CNOT6L: variants seen among roughly 807,000 people sequenced by gnomAD.
The protein encoded by CNOT6L is CCR4-NOT transcription complex subunit 6 like.
A neutral mutation model predicts 64.0 loss-of-function variants in CNOT6L; 7 were observed. The ratio of observed to expected loss-of-function variants is 0.11; its 90% confidence interval spans 0.06 to 0.21. The LOEUF (loss-of-function observed/expected upper bound fraction) is 0.21. Ranked by LOEUF, CNOT6L falls within the 10% of genes least tolerant of loss-of-function variation. The pLI is 1.00. For missense variants in CNOT6L, 245 were observed against 669.0 expected (o/e 0.37, Z 6.99); for synonymous variants, 193 against 243.4 (o/e 0.79, Z 1.93).
At chr4:77,779,074 C>CAAAA (rs1560420025) in intron 1 of CNOT6L, among the ~76,000 whole-genome samples, 3 of 74,156 alleles carry the variant, frequency 4.0e-5, no homozygotes, top group Non-Finnish European at 8.0e-5. Context: ...AAAAAAAAAA[C>CAAAA]ACAAAAAACA....
At chr4:77,729,620 G>C (rs1722220080) in intron 9 of CNOT6L, among the ~76,000 whole-genome samples, 1 of 152,108 alleles carries the variant, frequency 6.6e-6, no homozygotes, top group Non-Finnish European at 1.5e-5. Flanking sequence ...AGAGAGTAGT[G>C]TGCTATAAAA....
At chr4:77,776,473 T>C in intron 1 of CNOT6L, 81 bp from the exon 2 acceptor site, 1 of 986,614 alleles carries the variant, frequency 1.0e-6, no homozygotes, top group South Asian at 1.8e-5. Context: ...GGTAAACTCC[T>C]TTTCTCTCCC....
chr4:77,792,725 T>TAAA (rs77060039), intron 1 of CNOT6L, among the ~76,000 whole-genome samples: 14 of 124,078 alleles, frequency 1.1e-4, no homozygotes, highest in East Asian at 6.9e-4. Context: ...GACTCTGCCT[T>TAAA]AAAAAAAAAA....
chr4:77,781,001 T>C (rs540856069), intron 1 of CNOT6L, among the ~76,000 whole-genome samples: 3 of 152,012 alleles, frequency 2.0e-5, no homozygotes, highest in Admixed American at 2.0e-4. Context: ...CATGCAGCCA[T>C]AAAAAAGAGT....
At chr4:77,776,753 C>T (rs953140937) in intron 1 of CNOT6L, among the ~76,000 whole-genome samples, 1 of 152,204 alleles carries the variant, frequency 6.6e-6, no homozygotes, top group Admixed American at 6.5e-5. Context: ...TTCTATCCTC[C>T]TTTCCTCAGT....
intron 11 of CNOT6L, 87 bp from the exon 12 acceptor site, chr4:77,720,730 T>A: frequency 3.1e-6 from 4 of 1,289,318 alleles, no homozygotes; most frequent in Non-Finnish European, 4.4e-6. Context: ...AAAAACTGAC[T>A]ACCCTTTCTT....
rs953190241 is a variant in CNOT6L at position 77,737,878 on chromosome 4, G to A, written c.872+4263C>T. Among the ~76,000 whole-genome samples the A allele has an allele frequency of 3.8e-4, 58 of 152,030 alleles. 1 individual carries two copies. The highest frequency in any genetic ancestry group is 1.6e-4 in the Non-Finnish European group (11 of 68,012). On this transcript the variant is annotated intron_variant, in intron 8 of 11. Transcript: ENST00000504123. The stretch of plus-strand genomic sequence containing the variant: ...CCAGGTTGAATAGAAATTACCAGAA[G>A]AGTACAGATCAAAATCTCATTTTCA...
Position 77,767,306 on chromosome 4 carries a change from G to A in CNOT6L, c.400+5775C>T, listed in dbSNP as rs182197174. On this transcript the variant is annotated intron_variant, in intron 4 of 11. Coordinates refer to ENST00000504123, the MANE Select transcript of CNOT6L (RefSeq NM_144571.3). ...GATCCAGACAGTCAATGAAATTCCA[G>A]AGTTCAAACAGAGTTTTTCATGAAA... Among the ~76,000 whole-genome samples, 141 of 152,138 alleles carry A rather than the reference G, an allele frequency of 9.3e-4. 2 individuals carry two copies. Among genetic ancestry groups the A allele is most frequent in the Admixed American group, 7.0e-3 (107 of 15,278 alleles).
intron 5 of CNOT6L, among the ~76,000 whole-genome samples, chr4:77,753,548 C>T (rs1018301340): frequency 1.3e-5 from 2 of 151,832 alleles, no homozygotes; most frequent in Admixed American, 1.3e-4. Flanking sequence ...GTGTGTGCCT[C>T]TAATCCCAGC....
chr4:77,810,205 T>G (rs1005669690), intron 1 of CNOT6L, among the ~76,000 whole-genome samples: 3 of 152,104 alleles, frequency 2.0e-5, no homozygotes, highest in Non-Finnish European at 2.9e-5. Context: ...ATAAAAATTT[T>G]TAAAAATATT....
intron 11 of CNOT6L, among the ~76,000 whole-genome samples, chr4:77,723,520 T>C (rs569274341): frequency 6.6e-6 from 1 of 152,320 alleles, no homozygotes; most frequent in African/African-American, 2.4e-5. Context: ...GTAAAATATA[T>C]GTATAAAACT....
chr4:77,751,228 A>G (rs546819052), intron 5 of CNOT6L, among the ~76,000 whole-genome samples: 49 of 152,340 alleles, frequency 3.2e-4, no homozygotes, highest in African/African-American at 1.1e-3. Context: ...ATATTATCCA[A>G]CTGAAAAATA....
At chr4:77,806,716 C>T (rs1345952815) in intron 1 of CNOT6L, among the ~76,000 whole-genome samples, 1 of 152,090 alleles carries the variant, frequency 6.6e-6, no homozygotes, top group Non-Finnish European at 1.5e-5. Flanking sequence ...AATTAAAATT[C>T]CTTACCAAGA....
rs1727260757 is a variant in CNOT6L at position 77,769,219 on chromosome 4, A to C, written c.400+3862T>G. Among the ~76,000 whole-genome samples the C allele has an allele frequency of 2.6e-5, 4 of 152,234 alleles. 1 individual carries two copies. Among genetic ancestry groups the C allele is most frequent in the Admixed American group, 2.6e-4 (4 of 15,286 alleles). ...ATAAAAAGGTTAGAACACCTTTAAC[A>C]GATGCATACATAACCCCAATATCTA... is the stretch of plus-strand genomic sequence containing the variant. On this transcript the variant is annotated intron_variant, in intron 4 of 11. Coordinates refer to ENST00000504123, the MANE Select transcript of CNOT6L (RefSeq NM_144571.3).
intron 8 of CNOT6L, among the ~76,000 whole-genome samples, chr4:77,734,508 GTTAC>G (rs1722751147): frequency 6.6e-6 from 1 of 152,120 alleles, no homozygotes; most frequent in South Asian, 2.1e-4. Context: ...GGACATTTAA[GTTAC>G]TTACGTATTT....
intron 8 of CNOT6L, among the ~76,000 whole-genome samples, chr4:77,740,108 G>A (rs528567633): frequency 2.0e-5 from 3 of 152,184 alleles, no homozygotes; most frequent in East Asian, 3.9e-4. Flanking sequence ...GGTGGCTTAC[G>A]TCTGTAATCC....
chr4:77,761,006 C>A (rs773055601), intron 4 of CNOT6L, among the ~76,000 whole-genome samples: 4 of 151,014 alleles, frequency 2.6e-5, no homozygotes, highest in Non-Finnish European at 5.9e-5. Context: ...ATGAGCCACT[C>A]TGCCCAGCCA....
At chr4:77,754,135 T>A (rs955458934) in intron 5 of CNOT6L, among the ~76,000 whole-genome samples, 2 of 152,142 alleles carry the variant, frequency 1.3e-5, no homozygotes, top group African/African-American at 4.8e-5. Flanking sequence ...TACTTGCAGA[T>A]GACATAATTG....
rs1196171553 is a variant in CNOT6L, at chr4:77,736,496, T to C, written c.873-4958A>G. ...TACCTTAACAATGCTACTTCTTGCA[T>C]TCCCTTCCCATACAAACCAAATGCA... On this transcript the variant is annotated intron_variant, in intron 8 of 11. Coordinates refer to ENST00000504123, the MANE Select transcript of CNOT6L (RefSeq NM_144571.3). 2.0e-5 allele frequency among the ~76,000 whole-genome samples: 3 copies of C among 152,114 alleles called. No homozygotes were observed. In the East Asian group the frequency reaches 5.8e-4, roughly 29 times the overall value.
Sources: allele counts gnomAD v4.1 joint callset (sites outside exome capture counted in the v4.1 genomes callset), GRCh38; gene constraint gnomAD v4.1.1; transcripts MANE v1.5; gene names NCBI Gene and HGNC (gene_info 2026-07-23, HGNC 2026-07-21).